Variants in SRPRA observed in about 807,000 individuals in gnomAD.
SRPRA encodes SRP receptor subunit alpha, also known as signal recognition particle receptor subunit alpha.
Under a neutral mutation model 61.1 loss-of-function variants are expected in SRPRA, and 30 were observed. The observed-to-expected ratio is 0.49, with a 90% CI of 0.37 to 0.67. SRPRA has a LOEUF of 0.67. SRPRA is among the 30% of genes least tolerant of loss of function. SRPRA has a pLI of 0.00. For missense variants in SRPRA, 759 were observed against 828.4 expected (o/e 0.92, Z 1.03); for synonymous variants, 324 against 299.7 (o/e 1.08, Z -0.84).
the SRPRA span, chr11:126,256,475 C>T: frequency 1.6e-6 from 2 of 1,215,190 alleles, no homozygotes; most frequent in Non-Finnish European, 2.3e-6. This position sits in a 1 kb window ranked among gnomAD's most constrained non-coding sequence, Gnocchi z 6.6. Flanking sequence ...AATTGGTCAT[C>T]ACAGTCTGCT....
the SRPRA span, among the ~76,000 whole-genome samples, chr11:126,241,442 T>C: frequency 6.6e-6 from 1 of 152,248 alleles, no homozygotes; most frequent in Non-Finnish European, 1.5e-5. Context: ...TTTTTAGTGT[T>C]CTTTTTAGAG....
chr11:126,255,678 T>G, the SRPRA span, among the ~76,000 whole-genome samples: 1 of 152,090 alleles, frequency 6.6e-6, no homozygotes, highest in Non-Finnish European at 1.5e-5. The surrounding 1 kb of genome is among the most constrained non-coding windows in gnomAD (Gnocchi z 4.6). Flanking sequence ...GGCACATAAA[T>G]CTAAAAAAGT....
rs971373039 is a variant in SRPRA, at chr11:126,263,733, G to T, written c.*183C>A. 59 of 826,708 alleles carry T rather than the reference G, an allele frequency of 7.1e-5. No homozygotes were observed. Among genetic ancestry groups the T allele is most frequent in the Non-Finnish European group, 1.0e-4 (54 of 528,948 alleles). 51.2% of individuals were successfully genotyped at this position (826,708 alleles called of 1,614,324 possible). A position where few individuals can be genotyped will look rare whatever the true frequency, so the allele number is the denominator to read the frequency against. On this transcript the variant is annotated 3_prime_UTR_variant, in exon 14 of 14. Coordinates refer to ENST00000332118, the MANE Select transcript of SRPRA (RefSeq NM_003139.4). ...GTGGGCAGTGATTGTAACATGATTA[G>T]GCCTTCCTTGCAGATGGCGGCTGTG...
At position 126,263,746 on chromosome 11, in the gene SRPRA, G is replaced by A. The variant is rs529328; in HGVS notation, c.*170C>T. On this transcript the variant is annotated 3_prime_UTR_variant, in exon 14 of 14. Coordinates refer to ENST00000332118, the MANE Select transcript of SRPRA (RefSeq NM_003139.4). ...GTAACATGATTAGGCCTTCCTTGCA[G>A]ATGGCGGCTGTGCTGAACGGGGAGT... is the stretch of plus-strand genomic sequence containing the variant. 0.21 allele frequency: 197,408 copies of A among 938,182 alleles called. 23,046 individuals carry two copies. Among genetic ancestry groups the A allele is most frequent in the Non-Finnish European group, 0.25 (155,163 of 627,806 alleles). 58.1% of individuals were successfully genotyped at this position (938,182 alleles called of 1,614,324 possible). A position where few individuals can be genotyped will look rare whatever the true frequency, so the allele number is the denominator to read the frequency against.
downstream of SRPRA, chr11:126,261,975 A>T (rs2135230107): frequency 1.3e-6 from 1 of 793,454 alleles, no homozygotes; most frequent in East Asian, 2.7e-5. Flanking sequence ...TAAAAAGTAA[A>T]TAAAATTTTA....
chr11:126,264,304 T>C lies in SRPRA; in HGVS notation c.1690-15A>G, dbSNP rs745799330. ...TTGAACTTGACCTGGAAAGAAAAAG[T>C]GATAGAAGTGTAAGAACCATCTAAA... On this transcript the variant is annotated splice_polypyrimidine_tract_variant and intron_variant, in intron 12 of 13. Coordinates refer to ENST00000332118, the MANE Select transcript of SRPRA (RefSeq NM_003139.4). The surrounding 1 kb of genome is among the most constrained non-coding windows in gnomAD (Gnocchi z 5.0). The C allele has an allele frequency of 1.9e-5, 31 of 1,613,400 alleles. No individual in the cohort carries two copies. Among genetic ancestry groups the C allele is most frequent in the Admixed American group, 3.3e-5 (2 of 59,946 alleles).
At chr11:126,254,461 A>T in the SRPRA span, 1 of 1,611,934 alleles carries the variant, frequency 6.2e-7, no homozygotes, top group South Asian at 1.1e-5. Flanking sequence ...TGCTGGTCTC[A>T]GGAACTCCTT....
the SRPRA span, among the ~76,000 whole-genome samples, chr11:126,251,691 C>G: frequency 6.6e-6 from 1 of 150,436 alleles, no homozygotes; most frequent in African/African-American, 2.4e-5. Flanking sequence ...TATCCAGTCT[C>G]TTGTCCGTTT....
chr11:126,236,010 T>A, the SRPRA span, among the ~76,000 whole-genome samples: 1 of 152,214 alleles, frequency 6.6e-6, no homozygotes, highest in Non-Finnish European at 1.5e-5. Context: ...ATAAATCTCC[T>A]AGCTATACTG....
Position 126,268,827 on chromosome 11 carries a change from G to T in SRPRA, c.-23C>A, listed in dbSNP as rs779283801. The T allele has an allele frequency of 1.9e-6, 3 of 1,598,132 alleles. No individual in the cohort carries two copies. The highest frequency in any genetic ancestry group is 2.7e-5 in the African/African-American group (2 of 74,754). On this transcript the variant is annotated 5_prime_UTR_variant, in exon 1 of 14. Coordinates refer to ENST00000332118, the MANE Select transcript of SRPRA (RefSeq NM_003139.4). ...CATGGCGGCAGCGGCAGAGGAGCTG[G>T]GGCCGGCGCCGGGAATTCAGGCCGC...
chr11:126,268,482 A>G (rs545463235), intron 1 of SRPRA, among the ~76,000 whole-genome samples: 2 of 151,192 alleles, frequency 1.3e-5, no homozygotes, highest in East Asian at 3.9e-4. Context: ...ATTCGGCTAG[A>G]GTTGAGACAC....
chr11:126,265,013 C>T lies in SRPRA; in HGVS notation c.1471G>A (p.Glu491Lys), dbSNP rs1392795584. 1.2e-6 allele frequency: 2 copies of T among 1,614,080 alleles called. No homozygotes were observed. The highest frequency in any genetic ancestry group is 1.7e-6 in the Non-Finnish European group (2 of 1,180,044). Residue 491 changes from glutamate (E) to lysine (K), a missense_variant, in exon 11 of 14, where the codon GAA becomes AAA. Coordinates refer to ENST00000332118, the MANE Select transcript of SRPRA (RefSeq NM_003139.4). This position sits in a 1 kb window ranked among gnomAD's most constrained non-coding sequence, Gnocchi z 6.3. ...HGGRTMVQLF[E>K]KGYGKDAAGI... The stretch of plus-strand genomic sequence containing the variant: ...GCAGCATCCTTGCCATAGCCCTTTT[C>T]AAACAACTGCACCATGGTGCGGCCA...
rs942539529 is a variant in SRPRA, at chr11:126,265,542, G to A, written c.1139-102C>T. 1.5e-6 allele frequency: 2 copies of A among 1,368,340 alleles called. No homozygotes were observed. Among genetic ancestry groups the A allele is most frequent in the African/African-American group, 2.9e-5 (2 of 69,230 alleles). 84.8% of individuals were successfully genotyped at this position (1,368,340 alleles called of 1,614,324 possible). On this transcript the variant is annotated intron_variant, in intron 9 of 13. Transcript: ENST00000332118. The surrounding 1 kb of genome is among the most constrained non-coding windows in gnomAD (Gnocchi z 6.3). ...CTAAGGGGACTAAAACAGTAAATTA[G>A]ACTCTTGTCCCAGAAATCCAGAACA...
chr11:126,268,039 C>A lies in SRPRA; in HGVS notation c.165G>T (p.Lys55Asn). ...NSFTHEALTL[K>N]YKLDNQFELV... ...GCTCAAACTGGTTGTCCAGTTTATA[C>A]TTGAGTGTGAGTGCCTCATGGGTGA... The change falls in exon 2 of 14, where the codon AAG becomes AAT. Residue 55 changes from lysine (K) to asparagine (N), a missense_variant. Physicochemically the swap from Lys to Asn is moderately conservative, Grantham distance 94. This residue lies in a region of SRPRA where 475 missense variants were observed against 462.5 expected (regional missense o/e 1.03). Transcript: ENST00000332118. 1.2e-6 allele frequency: 2 copies of A among 1,614,204 alleles called. No individual in the cohort carries two copies. The highest frequency in any genetic ancestry group is 1.7e-6 in the Non-Finnish European group (2 of 1,180,046).
At chr11:126,241,706 T>C in the SRPRA span, among the ~76,000 whole-genome samples, 1 of 152,018 alleles carries the variant, frequency 6.6e-6, no homozygotes, top group Non-Finnish European at 1.5e-5. Context: ...TGTGCCACCA[T>C]GCCCAGCTAA....
chr11:126,240,741 G>A, the SRPRA span: 1 of 1,514,286 alleles, frequency 6.6e-7, no homozygotes, highest in Non-Finnish European at 8.9e-7. Flanking sequence ...CTTTCTGTGT[G>A]CCTCATATCT....
At chr11:126,266,121 A>G in intron 7 of SRPRA, 40 bp from the exon 8 acceptor site, 2 of 1,612,734 alleles carry the variant, frequency 1.2e-6, no homozygotes, top group Non-Finnish European at 1.7e-6. Flanking sequence ...TAAAACCAGT[A>G]GGCAGGAGTT....
At chr11:126,262,330 TGTTCAA>T (rs577867075), downstream of SRPRA, 190 of 586,668 alleles carry the variant, frequency 3.2e-4, no homozygotes, top group African/African-American at 2.1e-3. Context: ...TTCTGCCGCC[TGTTCAA>T]GTTCAAGAAT....
the SRPRA span, among the ~76,000 whole-genome samples, chr11:126,237,314 G>A: frequency 2.3e-5 from 3 of 132,714 alleles, no homozygotes; most frequent in African/African-American, 2.8e-5. Context: ...TCTGCCTCCC[G>A]GGTTCAAGCA....
Sources: allele counts gnomAD v4.1 joint callset (sites outside exome capture counted in the v4.1 genomes callset), GRCh38; gene constraint gnomAD v4.1.1; regional missense constraint gnomAD v4.1.1; non-coding constraint Gnocchi (gnomAD v3.1); transcripts MANE v1.5; gene names NCBI Gene and HGNC (gene_info 2026-07-23, HGNC 2026-07-21).